Variants in NELL1 observed in about 807,000 individuals in gnomAD.
NELL1 encodes protein kinase C-binding protein NELL1.
In NELL1, 76 loss-of-function variants were observed where a neutral mutation model predicts 107.4. That is an observed-to-expected ratio of 0.71 (90% CI 0.59 to 0.86). The LOEUF (loss-of-function observed/expected upper bound fraction) is 0.86, where lower values mean the gene tolerates loss of function less well. Ranked by LOEUF, NELL1 falls within the 40% of genes least tolerant of loss-of-function variation. The pLI is 0.00. For synonymous variants in NELL1, 353 were observed against 341.2 expected, an observed-to-expected ratio of 1.03 and a Z score of -0.38; for missense variants, 1,024 against 1,005.5, an observed-to-expected ratio of 1.02 and a Z score of -0.25.
At chr11:20,953,388 A>G (rs1307822801) in intron 11 of NELL1, among the ~76,000 whole-genome samples, 1 of 152,176 alleles carries the variant, frequency 6.6e-6, no homozygotes, top group African/African-American at 2.4e-5. Context: ...ATAACGATGT[A>G]TGTCTATCAT....
intron 10 of NELL1, among the ~76,000 whole-genome samples, chr11:20,941,189 T>C (rs549873564): frequency 6.6e-6 from 1 of 152,214 alleles, no homozygotes; most frequent in Admixed American, 6.5e-5. Flanking sequence ...CATATCATAA[T>C]GGGAAGTTAC....
rs891745014 is a variant in NELL1, at chr11:21,270,921, C to A, written c.1549+41467C>A. On this transcript the variant is annotated intron_variant, in intron 14 of 19. Transcript: ENST00000357134. ...GATTAAACAACACACTTTTAAGTAACCTATGGGTCAAAACAGAAATCTCAA... is the reference window on the plus strand; with the variant it reads ...GATTAAACAACACACTTTTAAGTAAACTATGGGTCAAAACAGAAATCTCAA... Among the ~76,000 whole-genome samples, 3 of 152,046 alleles carry A rather than the reference C, an allele frequency of 2.0e-5. No homozygotes were observed. The East Asian group carries it at 5.8e-4, about 29-fold the overall frequency.
At chr11:21,535,933 T>C (rs1462387499) in intron 16 of NELL1, among the ~76,000 whole-genome samples, 1 of 152,112 alleles carries the variant, frequency 6.6e-6, no homozygotes, top group Non-Finnish European at 1.5e-5. Context: ...ACAGGTCAAA[T>C]GGCTATTGTT....
At chr11:20,683,659 G>A (rs967512273) in intron 2 of NELL1, among the ~76,000 whole-genome samples, 4 of 152,026 alleles carry the variant, frequency 2.6e-5, no homozygotes, top group South Asian at 2.1e-4. Context: ...TATAGTGCAG[G>A]TCTGCTGGTG....
intron 13 of NELL1, among the ~76,000 whole-genome samples, chr11:21,165,506 GT>G (rs375324818): frequency 1.9e-3 from 288 of 152,210 alleles, no homozygotes; most frequent in African/African-American, 6.4e-3. Context: ...TCTGTTCTCA[GT>G]TTGGAGGTTC....
intron 14 of NELL1, among the ~76,000 whole-genome samples, chr11:21,312,497 C>G (rs1849770767): frequency 6.6e-6 from 1 of 152,096 alleles, no homozygotes; most frequent in African/African-American, 2.4e-5. Flanking sequence ...TGCCATCAAT[C>G]ACACCCTGAT....
At chr11:20,756,875 C>T (rs867116768) in intron 2 of NELL1, among the ~76,000 whole-genome samples, 84 of 152,188 alleles carry the variant, frequency 5.5e-4, no homozygotes, top group African/African-American at 1.9e-3. Context: ...CTGGGCAATG[C>T]ATTTTACGAG....
chr11:21,487,473 A>AG (rs1436509302), intron 15 of NELL1, among the ~76,000 whole-genome samples: 1 of 33,046 alleles, frequency 3.0e-5, no homozygotes, highest in Non-Finnish European at 5.6e-5. Context: ...ACCTGGAAGC[A>AG]AAAAAACATT....
chr11:20,941,667 C>T (rs1429637791), intron 10 of NELL1, among the ~76,000 whole-genome samples: 1 of 152,204 alleles, frequency 6.6e-6, no homozygotes, highest in Non-Finnish European at 1.5e-5. Context: ...CCTTTTCTGC[C>T]TAACATTAGC....
At chr11:21,454,197 C>T (rs913896299) in intron 15 of NELL1, among the ~76,000 whole-genome samples, 10 of 146,154 alleles carry the variant, frequency 6.8e-5, no homozygotes, top group East Asian at 2.0e-4. Context: ...TTTGTTCTTG[C>T]GATAGTTTAC....
intron 12 of NELL1, among the ~76,000 whole-genome samples, chr11:20,979,791 C>T (rs1281938984): frequency 6.6e-6 from 1 of 152,168 alleles, no homozygotes; most frequent in East Asian, 1.9e-4. Flanking sequence ...TGCTTCTGAG[C>T]CTCTTCATTT....
rs200874666 is a variant in NELL1 at position 21,351,522 on chromosome 11, T to TAA, written c.1550-19318_1550-19317dup. On this transcript the variant is annotated intron_variant, in intron 14 of 19. Transcript: ENST00000357134. ...TAAATGCAGTCCATATTATTTCCAG[T>TAA]AAAAAAAAAAAAAAGAAACTTTTTA... 3.9e-3 allele frequency among the ~76,000 whole-genome samples: 532 copies of TAA among 137,664 alleles called. 4 individuals are homozygous for TAA. The highest frequency in any genetic ancestry group is 0.012 in the African/African-American group (432 of 36,874). The allele number at this position is 137,664 out of a possible 152,430, so 90.3% of individuals were successfully genotyped here.
At chr11:21,296,233 G>GA (rs933688253) in intron 14 of NELL1, among the ~76,000 whole-genome samples, 8 of 151,660 alleles carry the variant, frequency 5.3e-5, no homozygotes, top group African/African-American at 1.7e-4. Flanking sequence ...ATTTTGGGGA[G>GA]AAAAAATGAC....
intron 14 of NELL1, among the ~76,000 whole-genome samples, chr11:21,361,774 T>C (rs573114144): frequency 1.4e-4 from 22 of 152,304 alleles, no homozygotes; most frequent in Non-Finnish European, 3.1e-4. Context: ...TTCTAGTCTA[T>C]TGTTGAATGT....
rs1206205062 is a variant in NELL1 at position 20,992,540 on chromosome 11, A to G, written c.1300+31980A>G. Among the ~76,000 whole-genome samples the G allele has an allele frequency of 2.0e-5, 3 of 152,238 alleles. No homozygotes were observed. The East Asian group carries it at 5.8e-4, about 29-fold the overall frequency. On this transcript the variant is annotated intron_variant, in intron 12 of 19. Transcript: ENST00000357134. ...TTCTGTTCATAGTTTTTTGTCATTT[A>G]TAAGTCTGTAGCCTTGGGAGAGTCT...
rs1853141973 is a variant in NELL1 at position 21,437,074 on chromosome 11, A to T, written c.1645+66126A>T. Reference sequence around the variant, plus strand: ...AATATTCCATGTGCTGATGGAAAGAATGTGTATTCTGTAGCTTTTGGGTAA... The same window carrying T: ...AATATTCCATGTGCTGATGGAAAGATTGTGTATTCTGTAGCTTTTGGGTAA... On this transcript the variant is annotated intron_variant, in intron 15 of 19. Transcript: ENST00000357134. Among the ~76,000 whole-genome samples the T allele has an allele frequency of 5.3e-5, 8 of 152,312 alleles. No homozygotes were observed. The South Asian group carries it at 1.7e-3, about 32-fold the overall frequency.
At chr11:20,851,718 T>A (rs1295970156) in intron 4 of NELL1, among the ~76,000 whole-genome samples, 3 of 152,228 alleles carry the variant, frequency 2.0e-5, no homozygotes, top group African/African-American at 7.2e-5. Flanking sequence ...ATTTATTGGG[T>A]ACACTATCTC....
chr11:21,058,274 G>T (rs961746191), intron 12 of NELL1, among the ~76,000 whole-genome samples: 1 of 152,016 alleles, frequency 6.6e-6, no homozygotes, highest in Non-Finnish European at 1.5e-5. Flanking sequence ...GAATTACTTT[G>T]CCTAAAAATG....
At chr11:20,682,647 C>A (rs1854217239) in intron 2 of NELL1, among the ~76,000 whole-genome samples, 1 of 151,978 alleles carries the variant, frequency 6.6e-6, no homozygotes, top group Non-Finnish European at 1.5e-5. Context: ...TTTTAATATA[C>A]AAATATACCT....
Sources: gnomAD v4.1 joint callset for allele counts (sites outside exome capture counted in the v4.1 genomes callset) on GRCh38, gnomAD v4.1.1 for gene constraint, MANE v1.5 for transcripts, NCBI Gene and HGNC (gene_info 2026-07-23, HGNC 2026-07-21) for gene names.